EHMT1: variants seen among roughly 807,000 people sequenced by gnomAD.
EHMT1 encodes the protein histone-lysine N-methyltransferase EHMT1.
In EHMT1, 15 loss-of-function variants were observed where a neutral mutation model predicts 147.2. The observed-to-expected ratio is 0.10, with a 90% confidence interval of 0.07 to 0.16. The LOEUF (loss-of-function observed/expected upper bound fraction) is 0.16. Ranked by LOEUF, EHMT1 falls within the 10% of genes least tolerant of loss-of-function variation. The probability of loss-of-function intolerance (pLI) is 1.00; values close to 1 mark genes in which losing one functional copy is unlikely to be tolerated. For synonymous variants in EHMT1, 795 were observed against 709.6 expected (o/e 1.12, Z -1.91); for missense variants, 1,587 against 1,772.4 (o/e 0.90, Z 1.88).
intron 8 of EHMT1, 83 bp from the exon 9 acceptor site, chr9:137,757,797 C>T: frequency 6.2e-7 from 1 of 1,602,774 alleles, no homozygotes; most frequent in Non-Finnish European, 8.5e-7. Flanking sequence ...TTTCCTGGGG[C>T]CCCAGCCTTG....
At chr9:137,697,242 C>T (rs1253685240) in intron 1 of EHMT1, 2 of 240,410 alleles carry the variant, frequency 8.3e-6, no homozygotes, top group Non-Finnish European at 1.8e-5. Flanking sequence ...GATGGTGCCA[C>T]TGCACGCCAG....
intron 1 of EHMT1, among the ~76,000 whole-genome samples, chr9:137,628,249 G>C (rs1477217230): frequency 6.6e-6 from 1 of 152,154 alleles, no homozygotes; most frequent in African/African-American, 2.4e-5. Flanking sequence ...CCTCTACTCT[G>C]TGGGATAGGT....
intron 17 of EHMT1, 71 bp from the exon 18 acceptor site, chr9:137,800,809 G>C (rs572950245): frequency 1.3e-5 from 18 of 1,391,514 alleles, no homozygotes; most frequent in Non-Finnish European, 1.7e-5. Context: ...AGACCTCGGC[G>C]TGGGAGTCCT....
At chr9:137,638,742 T>TA (rs71387854) in intron 1 of EHMT1, among the ~76,000 whole-genome samples, 28,670 of 147,838 alleles carry the variant, frequency 0.19, 2,951 homozygotes, top group Admixed American at 0.32. Flanking sequence ...CGTGTCCTCA[T>TA]AAAAAAAAAA....
intron 3 of EHMT1, among the ~76,000 whole-genome samples, chr9:137,725,546 C>T (rs1015984726): frequency 5.9e-5 from 9 of 152,158 alleles, no homozygotes; most frequent in Non-Finnish European, 1.2e-4. Context: ...CAAAAAACTC[C>T]AGGGAGCTGT....
intron 12 of EHMT1, 191 bp downstream of exon 12, chr9:137,777,035 C>G: frequency 1.6e-6 from 1 of 623,348 alleles, no homozygotes; most frequent in Non-Finnish European, 2.8e-6. Flanking sequence ...TGCTCTCTTT[C>G]GGTTTGGTTA....
In EHMT1 at chr9:137,717,128, C is replaced by T. The variant is rs1049943357; in HGVS notation, c.588C>T (p.Ala196=). The change falls in exon 3 of 27, where the codon GCC becomes GCT. Residue 196 remains alanine, a synonymous_variant. Coordinates refer to ENST00000460843, the MANE Select transcript of EHMT1 (RefSeq NM_024757.5). ...TEDRKLPAPG[A]DVKVHRARKT... ...ACAGGAAGCTCCCGGCCCCTGGCGC[C>T]GACGTCAAGGTCCACAGGGCACGCA... The T allele has an allele frequency of 8.7e-6, 14 of 1,612,376 alleles. 1 individual carries two copies. Among genetic ancestry groups the T allele is most frequent in the South Asian group, 4.4e-5 (4 of 91,086 alleles).
At chr9:137,710,895 TC>T in intron 1 of EHMT1, 71 bp from the exon 2 acceptor site, 1 of 1,522,980 alleles carries the variant, frequency 6.6e-7, no homozygotes, top group Non-Finnish European at 8.9e-7. Context: ...TTTGACTTTT[TC>T]CAAATGATGT....
chr9:137,817,010 T>C, intron 23 of EHMT1: 1 of 233,138 alleles, frequency 4.3e-6, no homozygotes, highest in Non-Finnish European at 8.5e-6. Context: ...GACCGCCACC[T>C]CCCCTGCCAC....
At chr9:137,680,004 T>G (rs970041024) in intron 1 of EHMT1, among the ~76,000 whole-genome samples, 1 of 152,232 alleles carries the variant, frequency 6.6e-6, no homozygotes. Context: ...AGTGAGTGTT[T>G]GATTATTCTC....
intron 1 of EHMT1, chr9:137,641,021 C>T (rs915600719): frequency 1.8e-5 from 4 of 223,550 alleles, no homozygotes; most frequent in South Asian, 6.3e-5. Flanking sequence ...CTCCTTATCC[C>T]GTTCCTCATC....
Position 137,783,744 on chromosome 9 carries a change from C to T in EHMT1, c.2382+1347C>T, listed in dbSNP as rs549301468. On this transcript the variant is annotated intron_variant, in intron 15 of 26. Coordinates refer to ENST00000460843, the MANE Select transcript of EHMT1 (RefSeq NM_024757.5). ...TTTCTTAGGGCCAAGAAGGAGAGAG[C>T]GACGGGGCGCACCGTCTGCTGTGCC... Among the ~76,000 whole-genome samples, 239 of 152,280 alleles carry T rather than the reference C, an allele frequency of 1.6e-3. 2 individuals are homozygous for T. The highest frequency in any genetic ancestry group is 2.6e-3 in the Non-Finnish European group (176 of 68,012).
intron 14 of EHMT1, among the ~76,000 whole-genome samples, chr9:137,781,354 T>C (rs78594640): frequency 9.3e-5 from 13 of 139,666 alleles, no homozygotes; most frequent in South Asian, 2.4e-4. Flanking sequence ...GTGATGACGC[T>C]GAGACGTGTG....
chr9:137,684,624 T>TGGGACCACA (rs1474921934), intron 1 of EHMT1, among the ~76,000 whole-genome samples: 2 of 152,126 alleles, frequency 1.3e-5, no homozygotes, highest in East Asian at 3.9e-4. Flanking sequence ...CCCAAGTAGC[T>TGGGACCACA]GGGACCACAG....
chr9:137,763,137 T>C, intron 10 of EHMT1: 2 of 560,660 alleles, frequency 3.6e-6, no homozygotes, highest in Non-Finnish European at 6.4e-6. Flanking sequence ...AGTGAGTAGA[T>C]TGAGGCAGGA....
chr9:137,810,533 T>G (rs1188064220), intron 18 of EHMT1, among the ~76,000 whole-genome samples: 3 of 152,250 alleles, frequency 2.0e-5, no homozygotes, highest in Non-Finnish European at 4.4e-5. Flanking sequence ...GTTCATCTTT[T>G]TCTTACCTAC....
chr9:137,834,215 G>A, intron 25 of EHMT1, 134 bp from the exon 26 acceptor site: 5 of 1,201,800 alleles, frequency 4.2e-6, no homozygotes, highest in African/African-American at 1.5e-5. Flanking sequence ...ACAGGTCACT[G>A]GAGAAGGCCC....
chr9:137,804,536 T>C (rs1953764737), intron 18 of EHMT1, among the ~76,000 whole-genome samples: 1 of 152,210 alleles, frequency 6.6e-6, no homozygotes, highest in Admixed American at 6.5e-5. Flanking sequence ...GGTTTACAGA[T>C]CTGTCTTTGG....
chr9:137,749,752 CA>C (rs1403672635), intron 6 of EHMT1, among the ~76,000 whole-genome samples: 2 of 152,312 alleles, frequency 1.3e-5, no homozygotes, highest in East Asian at 3.9e-4. Flanking sequence ...GTCGCTTTGC[CA>C]GAGTTTTGGA....
Sources: allele counts gnomAD v4.1 joint callset (sites outside exome capture counted in the v4.1 genomes callset), GRCh38; gene constraint gnomAD v4.1.1; transcripts MANE v1.5; gene names NCBI Gene and HGNC (gene_info 2026-07-23, HGNC 2026-07-21).